The following FMR1NB variants were observed in gnomAD, a reference collection of about 807,000 sequenced individuals.
FMR1NB encodes FMR1 neighbor.
In FMR1NB, 10 loss-of-function variants were observed where a neutral mutation model predicts 16.8. The ratio of observed to expected loss-of-function variants is 0.60; its 90% CI spans 0.37 to 1.01. The LOEUF (loss-of-function observed/expected upper bound fraction) is 1.01, where lower values mean the gene tolerates loss of function less well. FMR1NB is among the 50% of genes least tolerant of loss of function. FMR1NB has a pLI of 0.01. For synonymous variants in FMR1NB, 83 were observed against 79.1 expected (o/e 1.05, Z -0.26); for missense variants, 205 against 204.8 (o/e 1.00, Z 0.00).
At chrX:147,985,399 G>T (rs1209676757) in intron 1 of FMR1NB, among the ~76,000 whole-genome samples, 6 of 111,262 alleles carry the variant, frequency 5.4e-5, no homozygotes, top group African/African-American at 2.0e-4. Context: ...GTGCCATGGT[G>T]GTTTGCTGCA....
At chrX:147,992,151 C>T (rs1051852296) in intron 1 of FMR1NB, among the ~76,000 whole-genome samples, 5 of 110,283 alleles carry the variant, frequency 4.5e-5, no homozygotes, top group Admixed American at 3.8e-4. Flanking sequence ...GTCATCCCGT[C>T]CCGTTCTCAA....
chrX:148,007,277 A>G (rs1279419921), intron 3 of FMR1NB, among the ~76,000 whole-genome samples: 2 of 111,336 alleles, frequency 1.8e-5, no homozygotes, highest in Non-Finnish European at 3.8e-5. Flanking sequence ...AGGTCTGCTT[A>G]TTAGTTTTTC....
intron 1 of FMR1NB, among the ~76,000 whole-genome samples, chrX:147,996,807 T>C (rs920239149): frequency 2.3e-5 from 2 of 86,582 alleles, no homozygotes; most frequent in African/African-American, 8.7e-5. Context: ...AGATTTTTAG[T>C]CTTTTATTTG....
intron 1 of FMR1NB, among the ~76,000 whole-genome samples, chrX:147,993,235 C>T (rs1230637923): frequency 1.3e-4 from 15 of 112,847 alleles, no homozygotes; most frequent in African/African-American, 4.8e-4. Flanking sequence ...GCCAACACAG[C>T]GAAACCCCGT....
At chrX:148,023,674 C>T (rs1426502800) in intron 4 of FMR1NB, among the ~76,000 whole-genome samples, 2 of 111,611 alleles carry the variant, frequency 1.8e-5, no homozygotes, top group African/African-American at 3.3e-5. Flanking sequence ...GGATTTTTCT[C>T]TTTACCTCTG....
At chrX:148,010,567 G>C (rs939254985) in intron 4 of FMR1NB, among the ~76,000 whole-genome samples, 4 of 111,374 alleles carry the variant, frequency 3.6e-5, no homozygotes, top group African/African-American at 1.3e-4. Flanking sequence ...CCATTTCAAA[G>C]AATAAAGAGA....
chrX:147,985,295 T>C (rs1159862817), intron 1 of FMR1NB, among the ~76,000 whole-genome samples: 1 of 111,899 alleles, frequency 8.9e-6, no homozygotes, highest in East Asian at 2.8e-4. Context: ...AGATTTTTTT[T>C]GTTGAAACAT....
At chrX:148,011,368 A>G (rs974168421) in intron 4 of FMR1NB, among the ~76,000 whole-genome samples, 2 of 111,533 alleles carry the variant, frequency 1.8e-5, no homozygotes, top group African/African-American at 6.5e-5. Flanking sequence ...CCAGAGCCAT[A>G]TGTACTTCAG....
intron 4 of FMR1NB, among the ~76,000 whole-genome samples, chrX:148,012,217 A>G (rs1181583620): frequency 1.8e-5 from 2 of 110,687 alleles, no homozygotes; most frequent in Non-Finnish European, 3.8e-5. Flanking sequence ...GTTCTTATTA[A>G]CAGCTATTAC....
intron 5 of FMR1NB, among the ~76,000 whole-genome samples, chrX:148,025,464 C>A (rs782581518): frequency 4.5e-5 from 5 of 111,446 alleles, no homozygotes; most frequent in Non-Finnish European, 9.4e-5. Flanking sequence ...CAAACCTGCA[C>A]GATGTAGTGT....
At chrX:148,005,413 A>ATTTTCTGGGTG (rs1193590322) in intron 2 of FMR1NB, among the ~76,000 whole-genome samples, 1 of 110,947 alleles carries the variant, frequency 9.0e-6, no homozygotes, top group Non-Finnish European at 1.9e-5. Flanking sequence ...TATTGTCACC[A>ATTTTCTGGGTG]TTTTCTGGGT....
intron 4 of FMR1NB, among the ~76,000 whole-genome samples, chrX:148,020,484 C>G: frequency 8.9e-6 from 1 of 112,262 alleles, no homozygotes; most frequent in Non-Finnish European, 1.9e-5. Context: ...CTGTAGCCAC[C>G]ACAGCTGAGG....
chrX:148,016,695 C>T (rs781859856), intron 4 of FMR1NB, among the ~76,000 whole-genome samples: 2 of 111,586 alleles, frequency 1.8e-5, no homozygotes, highest in Non-Finnish European at 3.8e-5. Flanking sequence ...AAGCTGATAA[C>T]AACATAACAT....
intron 1 of FMR1NB, among the ~76,000 whole-genome samples, chrX:147,982,115 C>A (rs1049342949): frequency 1.8e-5 from 2 of 110,996 alleles, no homozygotes; most frequent in African/African-American, 6.6e-5. Context: ...ATGGTGAAAC[C>A]CTCATCCCTA....
intron 1 of FMR1NB, among the ~76,000 whole-genome samples, chrX:147,992,209 G>C (rs1443485822): frequency 9.4e-6 from 1 of 105,944 alleles, no homozygotes; most frequent in African/African-American, 3.5e-5. Flanking sequence ...CGGGCAGAGG[G>C]GCTCCTCACT....
At chrX:147,985,455 C>T (rs962561337) in intron 1 of FMR1NB, among the ~76,000 whole-genome samples, 1 of 111,111 alleles carries the variant, frequency 9.0e-6, no homozygotes, top group Admixed American at 9.6e-5. Flanking sequence ...TGTCTGAATG[C>T]TCTCCCTCCC....
intron 2 of FMR1NB, among the ~76,000 whole-genome samples, chrX:148,003,628 G>GCATCTAATCTTTCACAATTTA: frequency 1.8e-5 from 2 of 111,291 alleles, no homozygotes; most frequent in Admixed American, 1.9e-4. Context: ...TTCACAATTT[G>GCATCTAATCTTTCACAATTTA]CCTGAATGGC....
intron 3 of FMR1NB, 108 bp from the exon 4 acceptor site, chrX:148,008,510 A>T: frequency 1.5e-6 from 1 of 675,245 alleles, no homozygotes; most frequent in Non-Finnish European, 2.2e-6. Flanking sequence ...ATACCTCCTC[A>T]TTTCACTTTA....
At chrX:148,020,932 T>C (rs1557190549) in intron 4 of FMR1NB, among the ~76,000 whole-genome samples, 1 of 111,917 alleles carries the variant, frequency 8.9e-6, no homozygotes, top group Non-Finnish European at 1.9e-5. Context: ...CTAAATCCAC[T>C]GACTCTTAAC....
Sources: gnomAD v4.1 joint callset for allele counts (sites outside exome capture counted in the v4.1 genomes callset) on GRCh38, gnomAD v4.1.1 for gene constraint, MANE v1.5 for transcripts, NCBI Gene and HGNC (gene_info 2026-07-23, HGNC 2026-07-21) for gene names.